KLC2: variants seen among roughly 807,000 people sequenced by gnomAD.
KLC2 encodes KLC 2.
In KLC2, 35 loss-of-function variants were observed where a neutral mutation model predicts 75.1. That is an observed-to-expected ratio of 0.47 (90% CI 0.36 to 0.62). The LOEUF (loss-of-function observed/expected upper bound fraction) is 0.62, where lower values mean the gene tolerates loss of function less well. Among genes scored for constraint, KLC2 ranks in the 20% least tolerant of loss-of-function variants. KLC2 has a pLI of 0.00. For synonymous variants in KLC2, 314 were observed against 336.7 expected (o/e 0.93, Z 0.74); for missense variants, 611 against 833.2 (o/e 0.73, Z 3.28).
In KLC2 at chr11:66,265,227, A is replaced by C; in HGVS notation, c.1326A>C (p.Lys442Asn). 9.5e-7 allele frequency: 1 copy of C among 1,049,404 alleles called. No individual in the cohort carries two copies. The highest frequency in any genetic ancestry group is 1.4e-6 in the Non-Finnish European group (1 of 716,686). 65.0% of individuals were successfully genotyped at this position (1,049,404 alleles called of 1,614,324 possible). A position where few individuals can be genotyped will look rare whatever the true frequency, so the allele number is the denominator to read the frequency against. Residue 442 changes from lysine (K) to asparagine (N), a missense_variant, in exon 11 of 16, where the codon AAA becomes AAC. Physicochemically the swap from Lys to Asn is moderately conservative, Grantham distance 94. Coordinates refer to ENST00000394067, the MANE Select transcript of KLC2 (RefSeq NM_001318734.2). ...GEYGSWYKACKVDSPTVNTTL... is the reference protein window; with the variant it reads ...GEYGSWYKACNVDSPTVNTTL... Reference sequence around the variant, plus strand: ...ACGGCAGCTGGTACAAGGCCTGTAAAGTAGACAGGTGAGTGGGGCGGGGCT... The same window carrying C: ...ACGGCAGCTGGTACAAGGCCTGTAACGTAGACAGGTGAGTGGGGCGGGGCT...
At chr11:66,250,123 T>C in the KLC2 span, among the ~76,000 whole-genome samples, 18 of 152,172 alleles carry the variant, frequency 1.2e-4, no homozygotes, top group African/African-American at 4.3e-4. Flanking sequence ...CTTTAAGATG[T>C]GGCCTTTGTA....
At chr11:66,248,308 T>G in the KLC2 span, among the ~76,000 whole-genome samples, 2 of 152,218 alleles carry the variant, frequency 1.3e-5, no homozygotes, top group Non-Finnish European at 2.9e-5. Context: ...TCAATCGTGA[T>G]GCACGATTAT....
In KLC2 at chr11:66,265,160, TC is replaced by T; in HGVS notation, c.1267-6del. On this transcript the variant is annotated splice_polypyrimidine_tract_variant and splice_region_variant and intron_variant, in intron 10 of 15. Transcript: ENST00000394067. ...GCTCTCACTTCTTGTGACCATTCTT[TC>T]CTCCAGGATAAGCGCCGGGACAGCG... 1 of 1,600,630 alleles carries T rather than the reference TC, an allele frequency of 6.2e-7. No homozygotes were observed. The highest frequency in any genetic ancestry group is 8.5e-7 in the Non-Finnish European group (1 of 1,171,704).
intron 3 of KLC2, 45 bp downstream of exon 3, chr11:66,262,017 G>A: frequency 3.1e-6 from 5 of 1,595,556 alleles, no homozygotes; most frequent in Non-Finnish European, 4.3e-6. Flanking sequence ...GGAGGCCTGG[G>A]AGCAGGGAGG....
chr11:66,251,918 C>A, the KLC2 span, among the ~76,000 whole-genome samples: 1 of 152,230 alleles, frequency 6.6e-6, no homozygotes, highest in African/African-American at 2.4e-5. Context: ...GGGGACTGAT[C>A]TGGGCCAGAG....
chr11:66,265,211 G>C lies in KLC2; in HGVS notation c.1310G>C (p.Trp437Ser). The change falls in exon 11 of 16, where the codon TGG (tryptophan) becomes TCG (serine). Residue 437 changes from tryptophan to serine, a missense_variant. Trp to Ser is a radical substitution (Grantham distance 177). Coordinates refer to ENST00000394067, the MANE Select transcript of KLC2 (RefSeq NM_001318734.2). ...DSAPYGEYGS[W>S]YKACKVDSPT... The stretch of plus-strand genomic sequence containing the variant: ...GCCCCCTATGGGGAATACGGCAGCT[G>C]GTACAAGGCCTGTAAAGTAGACAGG... 6.3e-7 allele frequency: 1 copy of C among 1,594,300 alleles called. No homozygotes were observed. Among genetic ancestry groups the C allele is most frequent in the Non-Finnish European group, 8.6e-7 (1 of 1,163,964 alleles).
chr11:66,264,424 A>G lies in KLC2; in HGVS notation c.1196A>G (p.Lys399Arg). The G allele has an allele frequency of 6.2e-7, 1 of 1,613,242 alleles. No individual in the cohort carries two copies. The change falls in exon 9 of 16, where the codon AAA becomes AGA. Residue 399 changes from lysine to arginine, a missense_variant. Physicochemically the swap from Lys to Arg is conservative, Grantham distance 26 (BLOSUM62 2). Coordinates refer to ENST00000394067, the MANE Select transcript of KLC2 (RefSeq NM_001318734.2). ...GAGATCCTCACCCGCGCTCATGAGA[A>G]AGAGTTTGGCTCTGTCAATGGTGAG... ...YKEILTRAHE[K>R]EFGSVNGDNK...
intron 1 of KLC2, 145 bp downstream of exon 1, chr11:66,258,016 T>C (rs552675938): frequency 6.6e-6 from 1 of 152,402 alleles, no homozygotes; most frequent in East Asian, 1.9e-4. Flanking sequence ...CGGTCCCGGG[T>C]GGCCCGGGGC....
At chr11:66,266,733 G>A (rs921452848) in intron 15 of KLC2, 140 bp from the exon 16 acceptor site, 11 of 916,678 alleles carry the variant, frequency 1.2e-5, no homozygotes, top group Admixed American at 5.7e-5. Flanking sequence ...GCACCAGGGT[G>A]TGGCCTTGGG....
At chr11:66,264,959 G>C in intron 9 of KLC2, 64 bp from the exon 10 acceptor site, 1 of 1,550,370 alleles carries the variant, frequency 6.5e-7, no homozygotes, top group Non-Finnish European at 8.8e-7. Context: ...CCCCAGTCCT[G>C]TGTCCAGCCC....
chr11:66,255,010 GTT>G (rs1389427512), upstream of KLC2, among the ~76,000 whole-genome samples: 1 of 152,058 alleles, frequency 6.6e-6, no homozygotes, highest in Non-Finnish European at 1.5e-5. Flanking sequence ...TTCTAAGAAA[GTT>G]ATTTCTCAAA....
rs1856500656 is a variant in KLC2, at chr11:66,262,445, C to T, written c.529+253C>T. 42 of 568,086 alleles carry T rather than the reference C, an allele frequency of 7.4e-5. No individual in the cohort carries two copies. The South Asian group carries it at 8.6e-4, about 12-fold the overall frequency. The allele number at this position is 568,086 out of a possible 1,614,324, so 35.2% of individuals were successfully genotyped here. A position where few individuals can be genotyped will look rare whatever the true frequency, so the allele number is the denominator to read the frequency against. On this transcript the variant is annotated intron_variant, in intron 4 of 15. Coordinates refer to ENST00000394067, the MANE Select transcript of KLC2 (RefSeq NM_001318734.2). Reference sequence around the variant, plus strand: ...TGCTCTGCCACTAGCTTCCCTGACCCTTGGGAGAGTTCTCTTCCTCTCCGA... The same window carrying T: ...TGCTCTGCCACTAGCTTCCCTGACCTTTGGGAGAGTTCTCTTCCTCTCCGA...
intron 1 of KLC2, chr11:66,258,167 G>T (rs1856140707): frequency 5.7e-6 from 1 of 175,008 alleles, no homozygotes; most frequent in Non-Finnish European, 1.2e-5. Flanking sequence ...CGGCTCGTCG[G>T]GAGGATGGGC....
chr11:66,264,866 T>C, intron 9 of KLC2, 157 bp from the exon 10 acceptor site: 1 of 656,108 alleles, frequency 1.5e-6, no homozygotes, highest in South Asian at 1.9e-5. Context: ...CTCATCTCTG[T>C]CCAGAAGAGG....
At position 66,263,841 on chromosome 11, in the gene KLC2, C is replaced by A; in HGVS notation, c.841-10C>A. The A allele has an allele frequency of 6.2e-7, 1 of 1,612,916 alleles. No homozygotes were observed. On this transcript the variant is annotated splice_polypyrimidine_tract_variant and intron_variant, in intron 6 of 15. Coordinates refer to ENST00000394067, the MANE Select transcript of KLC2 (RefSeq NM_001318734.2). Reference sequence around the variant, plus strand: ...CCTGAGTCAAGAAGCTTCCGTTCTCCCACCTCCAGGTGGCTGCGACACTAA... The same window carrying A: ...CCTGAGTCAAGAAGCTTCCGTTCTCACACCTCCAGGTGGCTGCGACACTAA...
In KLC2 at chr11:66,266,506, T is replaced by C. The variant is rs777618978; in HGVS notation, c.1785+16T>C. The C allele has an allele frequency of 8.7e-6, 14 of 1,612,250 alleles. No homozygotes were observed. Among genetic ancestry groups the C allele is most frequent in the Non-Finnish European group, 1.1e-5 (13 of 1,179,066 alleles). ...GCCGACCCAGGTAGGGGCAGGCGGG[T>C]GTCTGGGCACTGGGCAGCTGCGGCC... On this transcript the variant is annotated intron_variant, in intron 15 of 15. Transcript: ENST00000394067.
upstream of KLC2, among the ~76,000 whole-genome samples, chr11:66,255,236 A>G (rs1380364681): frequency 6.6e-6 from 1 of 152,226 alleles, no homozygotes; most frequent in East Asian, 1.9e-4. Context: ...CCCAGGCTGG[A>G]GTTCAGTGGC....
chr11:66,264,995 C>G (rs754888179), intron 9 of KLC2, 28 bp from the exon 10 acceptor site: 2 of 1,611,550 alleles, frequency 1.2e-6, no homozygotes, highest in Non-Finnish European at 1.7e-6. Flanking sequence ...ATATGGTAGG[C>G]TGGTGACAGT....
intron 1 of KLC2, 41 bp downstream of exon 1, chr11:66,257,912 C>T (rs922476498): frequency 3.3e-5 from 5 of 152,676 alleles, no homozygotes; most frequent in African/African-American, 1.2e-4. Context: ...GGGTCAGGCC[C>T]TAAAGCGGGG....
Sources: gnomAD v4.1 joint callset for allele counts (sites outside exome capture counted in the v4.1 genomes callset) on GRCh38, gnomAD v4.1.1 for gene constraint, MANE v1.5 for transcripts, NCBI Gene and HGNC (gene_info 2026-07-23, HGNC 2026-07-21) for gene names.